The following TIAM1 variants were observed in gnomAD, a reference collection of about 807,000 sequenced individuals.
TIAM1 encodes the protein TIAM Rac1 associated GEF 1, also known as rho guanine nucleotide exchange factor TIAM1.
Under a neutral mutation model 163.5 loss-of-function variants are expected in TIAM1, and 65 were observed. That is an observed-to-expected ratio of 0.40 (90% CI 0.33 to 0.49). TIAM1 has a LOEUF of 0.49. TIAM1 is among the 20% of genes least tolerant of loss of function. TIAM1 has a pLI of 0.77. For missense variants in TIAM1, 1,789 were observed against 2,044.7 expected (o/e 0.87, Z 2.41); for synonymous variants, 833 against 810.1 (o/e 1.03, Z -0.48).
chr21:31,387,917 C>T (rs62223375), intron 2 of TIAM1, among the ~76,000 whole-genome samples: 128 of 152,174 alleles, frequency 8.4e-4, no homozygotes, highest in Non-Finnish European at 1.5e-3. Flanking sequence ...GCTGCAAGCA[C>T]GCAGGCTGCC....
intron 16 of TIAM1, among the ~76,000 whole-genome samples, chr21:31,163,158 A>G (rs2084014680): frequency 6.6e-6 from 1 of 152,244 alleles, no homozygotes; most frequent in Admixed American, 6.5e-5. Flanking sequence ...GTGTTCAGAA[A>G]TAAATGTTTT....
chr21:31,503,479 G>A (rs2046918018), intron 1 of TIAM1, among the ~76,000 whole-genome samples: 1 of 76,090 alleles, frequency 1.3e-5, no homozygotes, highest in Admixed American at 1.4e-4. Flanking sequence ...GGGAGGGAGG[G>A]AGGGAGGGAA....
At chr21:31,191,176 T>A (rs1047014571) in intron 13 of TIAM1, among the ~76,000 whole-genome samples, 2 of 152,102 alleles carry the variant, frequency 1.3e-5, no homozygotes, top group African/African-American at 4.8e-5. Context: ...CTTTTTTTTT[T>A]CTTTGAGACA....
At chr21:31,536,229 G>A (rs139104149) in intron 1 of TIAM1, among the ~76,000 whole-genome samples, 99 of 152,294 alleles carry the variant, frequency 6.5e-4, no homozygotes, top group African/African-American at 2.3e-3. Context: ...TGTGATAGAC[G>A]AGGAAACTGA....
chr21:31,383,679 C>CATCGT (rs1244523319), intron 2 of TIAM1, among the ~76,000 whole-genome samples: 1 of 152,190 alleles, frequency 6.6e-6, no homozygotes, highest in African/African-American at 2.4e-5. Context: ...ACAGGTATCA[C>CATCGT]ATCGTATATA....
At chr21:31,499,658 T>G (rs556886813) in intron 1 of TIAM1, among the ~76,000 whole-genome samples, 2 of 151,716 alleles carry the variant, frequency 1.3e-5, no homozygotes, top group South Asian at 2.1e-4. Context: ...AAAACCAGAC[T>G]AGCCAACATG....
At chr21:31,551,896 A>G (rs1275484866) in intron 1 of TIAM1, among the ~76,000 whole-genome samples, 3 of 152,210 alleles carry the variant, frequency 2.0e-5, no homozygotes, top group Non-Finnish European at 4.4e-5. Flanking sequence ...AAGCACTAAA[A>G]ACAAAAATGA....
At chr21:31,262,429 G>C (rs1048254786) in intron 4 of TIAM1, among the ~76,000 whole-genome samples, 3 of 152,210 alleles carry the variant, frequency 2.0e-5, no homozygotes, top group African/African-American at 7.2e-5. Flanking sequence ...TACTTTTACA[G>C]AAACCAACAG....
intron 12 of TIAM1, among the ~76,000 whole-genome samples, chr21:31,201,827 T>C (rs766474040): frequency 6.8e-4 from 104 of 152,280 alleles, no homozygotes; most frequent in Non-Finnish European, 1.1e-3. Flanking sequence ...AGAGGCGCCT[T>C]GCTCCCAAAA....
intron 2 of TIAM1, among the ~76,000 whole-genome samples, chr21:31,434,081 G>A (rs995455160): frequency 3.3e-5 from 5 of 152,016 alleles, no homozygotes; most frequent in Non-Finnish European, 4.4e-5. Flanking sequence ...TATAGCAACC[G>A]TGCCTGGCCT....
At chr21:31,225,205 G>A (rs1432715857) in intron 7 of TIAM1, among the ~76,000 whole-genome samples, 1 of 151,988 alleles carries the variant, frequency 6.6e-6, no homozygotes, top group African/African-American at 2.4e-5. Context: ...TTGCCATGTT[G>A]ACCAGGCTGG....
intron 2 of TIAM1, among the ~76,000 whole-genome samples, chr21:31,415,377 C>T (rs2147248478): frequency 6.6e-6 from 1 of 152,320 alleles, no homozygotes; most frequent in African/African-American, 2.4e-5. Context: ...ATTGAGTTCG[C>T]TAATGAACCA....
intron 2 of TIAM1, among the ~76,000 whole-genome samples, chr21:31,313,241 T>A (rs1259703629): frequency 6.6e-6 from 1 of 152,248 alleles, no homozygotes; most frequent in Non-Finnish European, 1.5e-5. Context: ...AAATTCAGTA[T>A]GTTTCTTTCC....
chr21:31,495,982 T>C (rs1345918990), intron 1 of TIAM1, among the ~76,000 whole-genome samples: 2 of 150,554 alleles, frequency 1.3e-5, no homozygotes, highest in Non-Finnish European at 3.0e-5. Flanking sequence ...AAAAAAAAGA[T>C]TACAATGGAG....
rs1417040548 is a variant in TIAM1, at chr21:31,505,975, CA to C, written c.-421-41941del. Among the ~76,000 whole-genome samples, 5 of 144,130 alleles carry C rather than the reference CA, an allele frequency of 3.5e-5. No homozygotes were observed. In the East Asian group the frequency reaches 1.0e-3, roughly 30 times the overall value. 94.6% of individuals were successfully genotyped at this position (144,130 alleles called of 152,430 possible). A position where few individuals can be genotyped will look rare whatever the true frequency, so the allele number is the denominator to read the frequency against. On this transcript the variant is annotated intron_variant, in intron 1 of 28. Coordinates refer to the TIAM1 transcript ENST00000286827. ...ACTGAGCCAAGATCTTGGGCCACTG[CA>C]CTCCAGCCTGGGCGACACGGTGAGA...
intron 2 of TIAM1, among the ~76,000 whole-genome samples, chr21:31,408,378 G>A (rs117298266): frequency 1.0e-3 from 153 of 152,194 alleles, no homozygotes; most frequent in Middle Eastern, 3.4e-3. Flanking sequence ...GTGAAAGATG[G>A]GAACCACTCA....
At chr21:31,542,644 T>C (rs2048358608) in intron 1 of TIAM1, among the ~76,000 whole-genome samples, 1 of 152,092 alleles carries the variant, frequency 6.6e-6, no homozygotes, top group South Asian at 2.1e-4. Context: ...GGTTAGGTCC[T>C]GGGCTGCTCA....
rs552140072 is a variant in TIAM1, at chr21:31,541,093, G to C, written c.-422+17834C>G. On this transcript the variant is annotated intron_variant, in intron 1 of 28. Coordinates refer to the TIAM1 transcript ENST00000286827. The stretch of plus-strand genomic sequence containing the variant: ...TCATATTTAATACATATTGAATACA[G>C]AACCCACATCCTGGGAATTTATCCT... 2.0e-5 allele frequency among the ~76,000 whole-genome samples: 3 copies of C among 152,228 alleles called. No individual in the cohort carries two copies. The East Asian group carries it at 5.8e-4, about 29-fold the overall frequency.
At chr21:31,504,730 A>T (rs1489503638) in intron 1 of TIAM1, among the ~76,000 whole-genome samples, 1 of 152,142 alleles carries the variant, frequency 6.6e-6, no homozygotes, top group African/African-American at 2.4e-5. Context: ...TTCAGATCCC[A>T]AGTCATCCCT....
Sources: gnomAD v4.1 joint callset for allele counts (sites outside exome capture counted in the v4.1 genomes callset) on GRCh38, gnomAD v4.1.1 for gene constraint, MANE v1.5 for transcripts, NCBI Gene and HGNC (gene_info 2026-07-23, HGNC 2026-07-21) for gene names.